FMN1: variants seen among roughly 807,000 people sequenced by gnomAD.
FMN1 encodes the protein formin-1.
FMN1 carries 110 observed loss-of-function variants against 132.4 expected under a neutral mutation model. The observed-to-expected ratio is 0.83, with a 90% CI of 0.71 to 0.97. The LOEUF (loss-of-function observed/expected upper bound fraction) is 0.97, where lower values mean the gene tolerates loss of function less well. FMN1 is among the 50% of genes least tolerant of loss of function. The pLI, the probability that FMN1 is intolerant of heterozygous loss-of-function variation, is 0.00. For missense variants in FMN1, 1,792 were observed against 1,705.3 expected, an observed-to-expected ratio of 1.05 and a Z score of -0.90; for synonymous variants, 722 against 651.7, an observed-to-expected ratio of 1.11 and a Z score of -1.64.
Position 32,798,904 on chromosome 15 carries a change from T to C in FMN1, c.4030A>G (p.Lys1344Glu), listed in dbSNP as rs143516028. 1.3e-6 allele frequency: 2 copies of C among 1,490,904 alleles called. No individual in the cohort carries two copies. The highest frequency in any genetic ancestry group is 1.4e-5 in the African/African-American group (1 of 73,892). The allele number at this position is 1,490,904 out of a possible 1,614,324, so 92.4% of individuals were successfully genotyped here. ...AACACGTAGCTGGGTGTGATCTCCT[T>C]CTCACCAGACTTTGGCTTCATCCCA... ...YFGMKPKSGEKEITPSYVFMV... is the reference protein window; with the variant it reads ...YFGMKPKSGEEEITPSYVFMV... The change falls in exon 19 of 21, where the codon AAG (lysine) becomes GAG (glutamate). Residue 1344 changes from lysine to glutamate, a missense_variant. Lys to Glu is a moderately conservative substitution (Grantham distance 56). Transcript: ENST00000616417.
intron 17 of FMN1, among the ~76,000 whole-genome samples, chr15:32,813,643 C>T (rs1474295399): frequency 6.6e-6 from 1 of 152,200 alleles, no homozygotes; most frequent in African/African-American, 2.4e-5. Flanking sequence ...GCACAACTAC[C>T]TGTATGCAGA....
At chr15:33,126,434 G>A (rs981150960) in intron 4 of FMN1, among the ~76,000 whole-genome samples, 3 of 152,144 alleles carry the variant, frequency 2.0e-5, no homozygotes, top group Admixed American at 6.5e-5. Context: ...AGAGGAGAAG[G>A]TGGGTGCAGA....
intron 3 of FMN1, among the ~76,000 whole-genome samples, chr15:33,158,005 A>AAG (rs1172154840): frequency 3.4e-4 from 51 of 148,412 alleles, no homozygotes; most frequent in African/African-American, 1.2e-3. Flanking sequence ...AAAAAAAAAA[A>AAG]AAAAAGAAAA....
At chr15:32,846,801 A>G (rs1289384384) in intron 17 of FMN1, among the ~76,000 whole-genome samples, 1 of 152,220 alleles carries the variant, frequency 6.6e-6, no homozygotes, top group Non-Finnish European at 1.5e-5. Flanking sequence ...AAAGACTTGG[A>G]ACCAACCCAA....
intron 7 of FMN1, among the ~76,000 whole-genome samples, chr15:33,005,011 C>G (rs538499480): frequency 6.6e-6 from 1 of 151,912 alleles, no homozygotes. Context: ...GACACAGGAA[C>G]GGGAACATCA....
chr15:33,180,703 A>G (rs1034756827), intron 2 of FMN1, among the ~76,000 whole-genome samples: 1 of 149,010 alleles, frequency 6.7e-6, no homozygotes, highest in Non-Finnish European at 1.5e-5. Context: ...TGCCTCAGCT[A>G]GTCACACACA....
intron 7 of FMN1, among the ~76,000 whole-genome samples, chr15:33,003,912 T>C (rs1354743006): frequency 6.6e-6 from 1 of 152,154 alleles, no homozygotes; most frequent in Non-Finnish European, 1.5e-5. Flanking sequence ...TATCTGATCT[T>C]TGACAAACCT....
chr15:32,924,499 C>G (rs1450961777), intron 10 of FMN1, among the ~76,000 whole-genome samples: 1 of 152,172 alleles, frequency 6.6e-6, no homozygotes, highest in African/African-American at 2.4e-5. Context: ...AACTAAACAA[C>G]ATGAACTGAA....
In FMN1 at chr15:32,867,663, T is replaced by C. The variant is rs888558805; in HGVS notation, c.3836-10556A>G. ...CGCTCCCTGTGCAAAGGCTAATTTTTTGTATTTTTAGTAGAGACGGGGTTT... is the reference window on the plus strand; with the variant it reads ...CGCTCCCTGTGCAAAGGCTAATTTTCTGTATTTTTAGTAGAGACGGGGTTT... On this transcript the variant is annotated intron_variant, in intron 16 of 20. Transcript: ENST00000616417. 7.9e-5 allele frequency among the ~76,000 whole-genome samples: 12 copies of C among 152,270 alleles called. 1 individual carries two copies. The highest frequency in any genetic ancestry group is 3.4e-3 in the Middle Eastern group (1 of 294).
At chr15:32,875,713 C>A (rs185176479) in intron 16 of FMN1, among the ~76,000 whole-genome samples, 1 of 152,350 alleles carries the variant, frequency 6.6e-6, no homozygotes, top group Admixed American at 6.5e-5. Context: ...ATTTGGTTGA[C>A]TGACATGAGA....
chr15:33,000,167 T>C (rs1460334649), intron 7 of FMN1, among the ~76,000 whole-genome samples: 1 of 152,118 alleles, frequency 6.6e-6, no homozygotes, highest in African/African-American at 2.4e-5. Flanking sequence ...CGGGAGGCAG[T>C]GGCTGGACGT....
At chr15:33,055,588 G>A (rs1020413902) in intron 6 of FMN1, among the ~76,000 whole-genome samples, 4 of 148,524 alleles carry the variant, frequency 2.7e-5, no homozygotes, top group African/African-American at 1.0e-4. Context: ...AAACAAATTT[G>A]ACTGTACTTC....
At chr15:33,135,032 T>G (rs1265010010) in intron 4 of FMN1, among the ~76,000 whole-genome samples, 1 of 152,170 alleles carries the variant, frequency 6.6e-6, no homozygotes, top group Non-Finnish European at 1.5e-5. Context: ...GAAAACATTT[T>G]GAGTTACAAT....
chr15:33,122,504 T>C (rs1300027083), intron 4 of FMN1, among the ~76,000 whole-genome samples: 1 of 152,244 alleles, frequency 6.6e-6, no homozygotes, highest in Non-Finnish European at 1.5e-5. Context: ...ACATTTCATG[T>C]ATACCTTCTA....
chr15:33,128,163 G>A (rs749132086), intron 4 of FMN1, among the ~76,000 whole-genome samples: 1 of 145,658 alleles, frequency 6.9e-6, no homozygotes, highest in Non-Finnish European at 1.5e-5. Context: ...AAGTAGGATG[G>A]AGAAATAAAG....
chr15:33,000,525 C>T (rs555284037), intron 7 of FMN1, among the ~76,000 whole-genome samples: 2 of 151,640 alleles, frequency 1.3e-5, no homozygotes, highest in African/African-American at 4.8e-5. Flanking sequence ...ACCTGTAACC[C>T]CAACATTTGG....
chr15:32,917,215 T>C (rs2060706722), intron 10 of FMN1, among the ~76,000 whole-genome samples: 1 of 152,198 alleles, frequency 6.6e-6, no homozygotes. Flanking sequence ...CAGGGGACCG[T>C]ACAGATCTGC....
At chr15:32,821,333 T>C (rs1239697853) in intron 17 of FMN1, among the ~76,000 whole-genome samples, 1 of 152,068 alleles carries the variant, frequency 6.6e-6, no homozygotes, top group Non-Finnish European at 1.5e-5. Context: ...GCTGGCTATT[T>C]ACTTTTTCAC....
chr15:32,891,157 G>C (rs2141514280), intron 15 of FMN1, among the ~76,000 whole-genome samples: 1 of 152,338 alleles, frequency 6.6e-6, no homozygotes, highest in Middle Eastern at 3.4e-3. Context: ...TTATAGTATA[G>C]TTTGAAATCA....
Sources: allele counts gnomAD v4.1 joint callset (sites outside exome capture counted in the v4.1 genomes callset), GRCh38; gene constraint gnomAD v4.1.1; transcripts MANE v1.5; gene names NCBI Gene and HGNC (gene_info 2026-07-23, HGNC 2026-07-21).